MAD1L1: variants seen among roughly 807,000 people sequenced by gnomAD.
MAD1L1 encodes mitotic arrest deficient 1 like 1.
A neutral mutation model predicts 96.9 loss-of-function variants in MAD1L1; 95 were observed. That is an observed-to-expected ratio of 0.98 (90% CI 0.83 to 1.16). The LOEUF is 1.16. Ranked by LOEUF, MAD1L1 falls within the 50% of genes most tolerant of loss-of-function variation. The pLI is 0.00. For synonymous variants in MAD1L1, 473 were observed against 396.6 expected (o/e 1.19, Z -2.29); for missense variants, 1,007 against 954.4 (o/e 1.06, Z -0.73).
At chr7:2,005,226 C>T (rs761730754) in intron 13 of MAD1L1, among the ~76,000 whole-genome samples, 12 of 152,194 alleles carry the variant, frequency 7.9e-5, no homozygotes, top group African/African-American at 2.7e-4. Flanking sequence ...TGAAGACAGA[C>T]GGCTTACAGA....
Position 1,909,997 on chromosome 7 carries a change from G to A in MAD1L1, c.1808-11607C>T, listed in dbSNP as rs1297385767. Among the ~76,000 whole-genome samples, 7 of 152,254 alleles carry A rather than the reference G, an allele frequency of 4.6e-5. No individual in the cohort carries two copies. In the East Asian group the frequency reaches 5.8e-4, roughly 13 times the overall value. On this transcript the variant is annotated intron_variant, in intron 17 of 18. Coordinates refer to ENST00000265854, the MANE Select transcript of MAD1L1 (RefSeq NM_001013836.2). ...ACAGGGCACCTCTTGTGTGATTAAC[G>A]ACTTACTCCAGCAAGCAGCTTGTCA...
intron 11 of MAD1L1, among the ~76,000 whole-genome samples, chr7:2,086,046 C>A (rs1785903381): frequency 6.6e-6 from 1 of 152,210 alleles, no homozygotes; most frequent in African/African-American, 2.4e-5. Flanking sequence ...CCCCAGGAAT[C>A]CCACCCTGCC....
At chr7:2,127,916 G>A (rs1042389837) in intron 11 of MAD1L1, among the ~76,000 whole-genome samples, 31 of 152,142 alleles carry the variant, frequency 2.0e-4, no homozygotes, top group Non-Finnish European at 4.3e-4. Flanking sequence ...TCCGACCAGC[G>A]GCTGTGACCT....
rs528939641 is a variant in MAD1L1, at chr7:2,216,617, G to A, written c.679-330C>T. On this transcript the variant is annotated intron_variant, in intron 7 of 18. Transcript: ENST00000265854. Reference sequence around the variant, plus strand: ...CCCTCGCATGACCCGTGGACTCTGCGTGACACTGATGTGTCCAGGCAGGTT... The same window carrying A: ...CCCTCGCATGACCCGTGGACTCTGCATGACACTGATGTGTCCAGGCAGGTT... Among the ~76,000 whole-genome samples the A allele has an allele frequency of 7.2e-5, 11 of 152,230 alleles. No individual in the cohort carries two copies. In the East Asian group the frequency reaches 1.2e-3, roughly 16 times the overall value.
chr7:1,925,155 C>A (rs559042952), intron 17 of MAD1L1, among the ~76,000 whole-genome samples: 1 of 152,284 alleles, frequency 6.6e-6, no homozygotes, highest in South Asian at 2.1e-4. Flanking sequence ...ATCGGCAGAA[C>A]ACACATACCT....
chr7:2,226,677 C>T (rs1446245515), intron 3 of MAD1L1, among the ~76,000 whole-genome samples: 1 of 152,180 alleles, frequency 6.6e-6, no homozygotes, highest in African/African-American at 2.4e-5. Context: ...AGACTACACC[C>T]CAGACCTACT....
At chr7:1,929,724 C>CCCCACTGCCCCGTCCCCTACTGCCACGT (rs1562532539) in intron 17 of MAD1L1, among the ~76,000 whole-genome samples, 47 of 114,718 alleles carry the variant, frequency 4.1e-4, no homozygotes, top group South Asian at 2.7e-3. Flanking sequence ...CCTCGCCCAT[C>CCCCACTGCCCCGTCCCCTACTGCCACGT]CCCCACTGCC....
intron 11 of MAD1L1, among the ~76,000 whole-genome samples, chr7:2,132,953 C>G (rs937179829): frequency 1.3e-5 from 2 of 152,238 alleles, no homozygotes; most frequent in African/African-American, 4.8e-5. Flanking sequence ...CATCAGTTAC[C>G]AGGAGAGATG....
intron 18 of MAD1L1, among the ~76,000 whole-genome samples, chr7:1,894,313 C>T (rs1267290322): frequency 6.6e-6 from 1 of 152,186 alleles, no homozygotes; most frequent in African/African-American, 2.4e-5. Context: ...AGTCGGCTTA[C>T]AGGGAGCCTT....
rs573893583 is a variant in MAD1L1, at chr7:1,900,483, C to T, written c.1808-2093G>A. ...GGCCCTGGGGGACACTGTTATTCCA[C>T]GGCCCAGCCCCTCCAGCAGGACGAG... is the stretch of plus-strand genomic sequence containing the variant. On this transcript the variant is annotated intron_variant, in intron 17 of 18. Coordinates refer to ENST00000265854, the MANE Select transcript of MAD1L1 (RefSeq NM_001013836.2). Among the ~76,000 whole-genome samples, 7 of 152,314 alleles carry T rather than the reference C, an allele frequency of 4.6e-5. No homozygotes were observed. The South Asian group carries it at 1.0e-3, about 23-fold the overall frequency.
intron 16 of MAD1L1, 102 bp from the exon 17 acceptor site, chr7:1,936,999 G>A (rs2280549): frequency 0.3 from 265,492 of 886,440 alleles, 42,849 homozygotes; most frequent in East Asian, 0.35. Context: ...CACACAGCAC[G>A]GGTCACACAC....
chr7:2,167,370 A>G (rs1790483415), intron 10 of MAD1L1, among the ~76,000 whole-genome samples: 1 of 151,118 alleles, frequency 6.6e-6, no homozygotes, highest in Admixed American at 6.6e-5. Flanking sequence ...ACACGGTGAA[A>G]CCCCGTCTCT....
rs1270177107 is a variant in MAD1L1 at position 2,101,016 on chromosome 7, A to C, written c.1074-31678T>G. Among the ~76,000 whole-genome samples, 3 of 152,210 alleles carry C rather than the reference A, an allele frequency of 2.0e-5. No individual in the cohort carries two copies. The East Asian group carries it at 5.8e-4, about 29-fold the overall frequency. ...ATTTGCACGTGTCAGGGGAAGAGAA[A>C]AATCACCTAATTAACCACTTTCCCC... On this transcript the variant is annotated intron_variant, in intron 11 of 18. Transcript: ENST00000265854.
intron 18 of MAD1L1, among the ~76,000 whole-genome samples, chr7:1,889,837 C>T (rs958324190): frequency 2.0e-5 from 3 of 152,212 alleles, no homozygotes; most frequent in Non-Finnish European, 4.4e-5. Context: ...TTCCCCTCAC[C>T]CCACCCAGGC....
intron 10 of MAD1L1, among the ~76,000 whole-genome samples, chr7:2,197,732 A>G (rs1792068366): frequency 6.6e-6 from 1 of 151,962 alleles, no homozygotes; most frequent in Non-Finnish European, 1.5e-5. Flanking sequence ...CCTGCCCCTC[A>G]CTGGGCAGGC....
Position 1,822,357 on chromosome 7 carries a change from G to A in MAD1L1, c.1999-6129C>T, listed in dbSNP as rs568998649. Among the ~76,000 whole-genome samples the A allele has an allele frequency of 2.0e-5, 3 of 151,394 alleles. No individual in the cohort carries two copies. In the East Asian group the frequency reaches 5.8e-4, roughly 29 times the overall value. On this transcript the variant is annotated intron_variant, in intron 18 of 18. Coordinates refer to ENST00000265854, the MANE Select transcript of MAD1L1 (RefSeq NM_001013836.2). ...TAAATAGATACAATGTTTATGAACT[G>A]GAAGACTTATAGTAAATCAATTTTT...
At position 2,002,104 on chromosome 7, in the gene MAD1L1, G is replaced by A. The variant is rs199940133; in HGVS notation, c.1377C>T (p.Ala459=). 89 of 1,613,086 alleles carry A rather than the reference G, an allele frequency of 5.5e-5. No individual in the cohort carries two copies. Among genetic ancestry groups the A allele is most frequent in the Admixed American group, 2.7e-4 (16 of 60,008 alleles). The change falls in exon 14 of 19, where the codon GCC becomes GCT. Residue 459 remains alanine (A), a synonymous_variant. Coordinates refer to ENST00000265854, the MANE Select transcript of MAD1L1 (RefSeq NM_001013836.2). The part of the protein sequence containing the change: ...SAEMEAQLSQ[A]LEELGGQKQR... ...GTTTCTGGCCTCCCAGCTCCTCCAG[G>A]GCCTGCGACAGCTGAGCCTGCAAGA...
Position 1,859,121 on chromosome 7 carries a change from C to CAA in MAD1L1, c.1998+39077_1998+39078dup, listed in dbSNP as rs1264312716. Among the ~76,000 whole-genome samples, 3 of 152,032 alleles carry CAA rather than the reference C, an allele frequency of 2.0e-5. No individual in the cohort carries two copies. The East Asian group carries it at 5.9e-4, about 30-fold the overall frequency. On this transcript the variant is annotated intron_variant, in intron 18 of 18. Transcript: ENST00000265854. ...CAGAGACGGAGCAGACCTCCACACA[C>CAA]AACCCCACACGCAGGAGGGCCAGAT...
chr7:2,102,699 C>A (rs1014574523), intron 11 of MAD1L1, among the ~76,000 whole-genome samples: 1 of 151,446 alleles, frequency 6.6e-6, no homozygotes, highest in Non-Finnish European at 1.5e-5. Context: ...CACACCATCA[C>A]CACCGTCACC....
Sources: allele counts gnomAD v4.1 joint callset (sites outside exome capture counted in the v4.1 genomes callset), GRCh38; gene constraint gnomAD v4.1.1; transcripts MANE v1.5; gene names NCBI Gene and HGNC (gene_info 2026-07-23, HGNC 2026-07-21).